RPN1: variants seen among roughly 807,000 people sequenced by gnomAD.
The protein encoded by RPN1 is ribophorin I.
RPN1 carries 12 observed loss-of-function variants against 55.5 expected under a neutral mutation model. The ratio of observed to expected loss-of-function variants is 0.22; its 90% CI spans 0.14 to 0.35. The LOEUF (loss-of-function observed/expected upper bound fraction) is 0.35, where lower values mean the gene tolerates loss of function less well. Ranked by LOEUF, RPN1 falls within the 10% of genes least tolerant of loss-of-function variation. The pLI is 1.00. For synonymous variants in RPN1, 317 were observed against 305.9 expected (o/e 1.04, Z -0.38); for missense variants, 679 against 761.3 (o/e 0.89, Z 1.27).
chr3:128,625,791 G>C, intron 7 of RPN1, 83 bp downstream of exon 7: 1 of 1,558,764 alleles, frequency 6.4e-7, no homozygotes, highest in South Asian at 1.2e-5. Flanking sequence ...CCAGCCCAAG[G>C]AGGGACAGAA....
At chr3:128,633,608 T>C (rs149722707) in intron 3 of RPN1, among the ~76,000 whole-genome samples, 73 of 152,286 alleles carry the variant, frequency 4.8e-4, no homozygotes, top group African/African-American at 1.7e-3. Context: ...TTGTATAATA[T>C]GCAGAGATGT....
At chr3:128,620,714 C>A in intron 9 of RPN1, 121 bp from the exon 10 acceptor site, 3 of 1,054,798 alleles carry the variant, frequency 2.8e-6, no homozygotes, top group Non-Finnish European at 2.7e-6. Context: ...CAAATGCAGC[C>A]AACAGCACAG....
chr3:128,642,879 G>A (rs1338930771), intron 2 of RPN1, among the ~76,000 whole-genome samples: 2 of 151,796 alleles, frequency 1.3e-5, no homozygotes, highest in Non-Finnish European at 2.9e-5. Context: ...TTAACTGGGC[G>A]TGGTAGCACG....
At chr3:128,631,664 C>T (rs2069642972) in intron 4 of RPN1, among the ~76,000 whole-genome samples, 3 of 152,064 alleles carry the variant, frequency 2.0e-5, no homozygotes. Flanking sequence ...ATCACTTGAA[C>T]CCAGGAGGCG....
intron 1 of RPN1, among the ~76,000 whole-genome samples, chr3:128,650,034 A>G (rs973835183): frequency 4.6e-5 from 7 of 152,228 alleles, no homozygotes; most frequent in Non-Finnish European, 7.3e-5. Flanking sequence ...ATACTGAATT[A>G]AGAGAATGAA....
Position 128,632,094 on chromosome 3 carries a change from C to G in RPN1, c.697G>C (p.Val233Leu). Residue 233 changes from valine (V) to leucine (L), a missense_variant, in exon 4 of 10, where the codon GTC becomes CTC. Transcript: ENST00000296255. ...PFLTITSMTR[V>L]IEVSHWGNIA... ...TTACCCCAGTGAGAGACTTCAATGA[C>G]TCGGGTCATGCTGGTGATGGTCAGG... 1.9e-6 allele frequency: 3 copies of G among 1,614,170 alleles called. No individual in the cohort carries two copies.
Position 128,638,071 on chromosome 3 carries a change from G to C in RPN1, c.361C>G (p.Leu121Val), listed in dbSNP as rs532321871. 12 of 1,613,820 alleles carry C rather than the reference G, an allele frequency of 7.4e-6. No individual in the cohort carries two copies. The highest frequency in any genetic ancestry group is 5.3e-5 in the African/African-American group (4 of 74,932). Reference sequence around the variant, plus strand: ...ACTGAAATCTTGGCCCCAGGATCAAGAGCAACTGGGAGCTTGACTGTGAAG... The same window carrying C: ...ACTGAAATCTTGGCCCCAGGATCAACAGCAACTGGGAGCTTGACTGTGAAG... ...RFFTVKLPVA[L>V]DPGAKISVIV... The change falls in exon 3 of 10, where the codon CTT (leucine) becomes GTT (valine). Residue 121 changes from leucine to valine, a missense_variant. By Grantham distance (32) the Leu-to-Val change is conservative. This residue lies in a region of RPN1 where 352 missense variants were observed against 352.8 expected (regional missense o/e 1.00). Coordinates refer to ENST00000296255, the MANE Select transcript of RPN1 (RefSeq NM_002950.4).
intron 1 of RPN1, among the ~76,000 whole-genome samples, chr3:128,649,173 T>C (rs572638645): frequency 9.3e-4 from 142 of 152,324 alleles, no homozygotes; most frequent in African/African-American, 3.3e-3. Flanking sequence ...TATACGTATT[T>C]TGAATATACT....
At chr3:128,622,446 A>C in intron 8 of RPN1, 37 bp from the exon 9 acceptor site, 1 of 1,612,282 alleles carries the variant, frequency 6.2e-7, no homozygotes, top group Non-Finnish European at 8.5e-7. Context: ...GACAACATCC[A>C]GGCTTGGGTC....
In RPN1 at chr3:128,635,698, C is replaced by T. The variant is rs1465714640; in HGVS notation, c.633+2101G>A. Reference sequence around the variant, plus strand: ...ATAGATATCTATAGATATACACACACACACACACACACACACACGTGTATA... The same window carrying T: ...ATAGATATCTATAGATATACACACATACACACACACACACACACGTGTATA... On this transcript the variant is annotated intron_variant, in intron 3 of 9. Coordinates refer to ENST00000296255, the MANE Select transcript of RPN1 (RefSeq NM_002950.4). 3.7e-4 allele frequency among the ~76,000 whole-genome samples: 55 copies of T among 147,034 alleles called. No individual in the cohort carries two copies. In the East Asian group the frequency reaches 0.01, roughly 27 times the overall value.
At chr3:128,636,834 C>G (rs2069685256) in intron 3 of RPN1, among the ~76,000 whole-genome samples, 1 of 152,192 alleles carries the variant, frequency 6.6e-6, no homozygotes, top group Admixed American at 6.6e-5. Flanking sequence ...TAGGCATGAG[C>G]CACTGCACCC....
intron 8 of RPN1, 54 bp downstream of exon 8, chr3:128,625,480 G>A: frequency 6.2e-7 from 1 of 1,613,384 alleles, no homozygotes; most frequent in South Asian, 1.1e-5. Flanking sequence ...GCTCAAGCTG[G>A]TGAAATATTA....
intron 2 of RPN1, among the ~76,000 whole-genome samples, chr3:128,640,502 C>T (rs2069717097): frequency 6.6e-6 from 1 of 152,224 alleles, no homozygotes; most frequent in Admixed American, 6.5e-5. Flanking sequence ...TTCTTAGTTT[C>T]AAGTCCCAAA....
At chr3:128,626,934 G>A (rs2107714223) in intron 5 of RPN1, 102 bp from the exon 6 acceptor site, 2 of 1,069,200 alleles carry the variant, frequency 1.9e-6, no homozygotes, top group South Asian at 1.3e-5. Flanking sequence ...CAAGTAGACA[G>A]CAAAACCAAA....
In RPN1 at chr3:128,622,262, C is replaced by T. The variant is rs148503041; in HGVS notation, c.1543G>A (p.Gly515Ser). ...TGTTCAGTCTCCAGGCTCTTCTTGC[C>T]ACTGTTGAGGGTGGAGATGTCCCGG... ...QSRDISTLNS[G>S]KKSLETEHKA... The change falls in exon 9 of 10, where the codon GGC becomes AGC. Residue 515 changes from glycine (G) to serine (S), a missense_variant. Physicochemically the swap from Gly to Ser is moderately conservative, Grantham distance 56. This residue lies in a region of RPN1 where 306 missense variants were observed against 360.0 expected (regional missense o/e 0.85). Coordinates refer to ENST00000296255, the MANE Select transcript of RPN1 (RefSeq NM_002950.4). 1.9e-6 allele frequency: 3 copies of T among 1,614,236 alleles called. No homozygotes were observed. Among genetic ancestry groups the T allele is most frequent in the Admixed American group, 1.7e-5 (1 of 60,034 alleles).
chr3:128,648,229 CA>C (rs1487949672), intron 1 of RPN1, among the ~76,000 whole-genome samples: 1 of 151,700 alleles, frequency 6.6e-6, no homozygotes, highest in African/African-American at 2.4e-5. Context: ...CCTGTCTCTA[CA>C]AAAAAAATAC....
chr3:128,650,470 G>A (rs2069809025), intron 1 of RPN1, 70 bp downstream of exon 1: 1 of 1,442,226 alleles, frequency 6.9e-7, no homozygotes, highest in South Asian at 1.3e-5. Flanking sequence ...CGCGGGCGGA[G>A]TCGGGGGACC....
rs563167891 is a variant in RPN1, at chr3:128,628,188, C to T, written c.1037-1356G>A. On this transcript the variant is annotated intron_variant, in intron 5 of 9. Coordinates refer to ENST00000296255, the MANE Select transcript of RPN1 (RefSeq NM_002950.4). ...AGGAGAATCTCTTGAACCCAGGAGG[C>T]GGAGGTTGCAATGAGCTGAGATCGC... Among the ~76,000 whole-genome samples, 368 of 151,478 alleles carry T rather than the reference C, an allele frequency of 2.4e-3. 2 individuals are homozygous for T. Among genetic ancestry groups the T allele is most frequent in the Non-Finnish European group, 4.5e-3 (308 of 67,866 alleles).
chr3:128,641,406 A>G (rs1375962928), intron 2 of RPN1, among the ~76,000 whole-genome samples: 2 of 152,058 alleles, frequency 1.3e-5, no homozygotes, highest in Non-Finnish European at 2.9e-5. Flanking sequence ...CACCCTACAC[A>G]GCTTCACCTT....
Sources: gnomAD v4.1 joint callset for allele counts (sites outside exome capture counted in the v4.1 genomes callset) on GRCh38, gnomAD v4.1.1 for gene constraint, gnomAD v4.1.1 regional missense constraint, MANE v1.5 for transcripts, NCBI Gene and HGNC (gene_info 2026-07-23, HGNC 2026-07-21) for gene names.